CSMD1: variants seen among roughly 807,000 people sequenced by gnomAD.
The protein encoded by CSMD1 is CUB and Sushi multiple domains 1.
A neutral mutation model predicts 417.5 loss-of-function variants in CSMD1; 213 were observed. The observed-to-expected ratio is 0.51, with a 90% CI of 0.46 to 0.57. The LOEUF (loss-of-function observed/expected upper bound fraction) is 0.57, where lower values mean the gene tolerates loss of function less well. Ranked by LOEUF, CSMD1 falls within the 20% of genes least tolerant of loss-of-function variation. The probability of loss-of-function intolerance (pLI) is 0.00; values close to 1 mark genes in which losing one functional copy is unlikely to be tolerated. For synonymous variants in CSMD1, 2,862 were observed against 1,736.8 expected, an observed-to-expected ratio of 1.65 and a Z score of -16.11; for missense variants, 6,923 against 4,529.7, an observed-to-expected ratio of 1.53 and a Z score of -15.17.
intron 23 of CSMD1, among the ~76,000 whole-genome samples, chr8:3,318,385 A>G (rs1805921573): frequency 3.3e-5 from 5 of 152,230 alleles, no homozygotes; most frequent in African/African-American, 1.2e-4. Flanking sequence ...GCAATCACTT[A>G]GCATATGAAG....
chr8:4,898,267 G>T (rs1171958309), intron 1 of CSMD1, among the ~76,000 whole-genome samples: 1 of 152,026 alleles, frequency 6.6e-6, no homozygotes, highest in African/African-American at 2.4e-5. Context: ...GCCCGTTTTA[G>T]GCCAAAAATA....
At chr8:4,114,236 A>G (rs988951001) in intron 3 of CSMD1, among the ~76,000 whole-genome samples, 9 of 152,328 alleles carry the variant, frequency 5.9e-5, no homozygotes, top group African/African-American at 2.2e-4. Context: ...TTTGTTTAAC[A>G]TTTTGAAAAT....
intron 3 of CSMD1, among the ~76,000 whole-genome samples, chr8:4,081,517 TC>T (rs1371205260): frequency 6.6e-6 from 1 of 151,630 alleles, no homozygotes; most frequent in Non-Finnish European, 1.5e-5. Flanking sequence ...GGAACTGGGG[TC>T]CCCCTACCAA....
At chr8:4,915,959 C>T (rs1182513186) in intron 1 of CSMD1, among the ~76,000 whole-genome samples, 1 of 152,168 alleles carries the variant, frequency 6.6e-6, no homozygotes, top group Non-Finnish European at 1.5e-5. Context: ...TCCACAGGAA[C>T]ATCTTCTCTT....
intron 1 of CSMD1, among the ~76,000 whole-genome samples, chr8:4,795,222 A>G (rs1361485202): frequency 2.1e-5 from 3 of 143,044 alleles, no homozygotes; most frequent in African/African-American, 7.7e-5. Context: ...GTGCAATCAG[A>G]ACACATTTCT....
intron 3 of CSMD1, among the ~76,000 whole-genome samples, chr8:4,241,624 A>G (rs1215126077): frequency 3.3e-5 from 5 of 152,218 alleles, no homozygotes; most frequent in African/African-American, 9.6e-5. Context: ...TATGTAGAGG[A>G]GAAATAATTC....
chr8:3,465,820 T>C (rs949434960), intron 12 of CSMD1, among the ~76,000 whole-genome samples: 36 of 152,094 alleles, frequency 2.4e-4, no homozygotes, highest in African/African-American at 8.0e-4. Context: ...TGCATAGCAG[T>C]TTGTCTAGGG....
intron 10 of CSMD1, among the ~76,000 whole-genome samples, chr8:3,494,486 T>G (rs1796277017): frequency 1.3e-5 from 2 of 151,932 alleles, no homozygotes. Flanking sequence ...TGATGATAAT[T>G]AGAGGAATGA....
At chr8:3,516,177 T>G (rs1184302790) in intron 10 of CSMD1, among the ~76,000 whole-genome samples, 1 of 152,236 alleles carries the variant, frequency 6.6e-6, no homozygotes, top group Non-Finnish European at 1.5e-5. Flanking sequence ...CCTTATCCAC[T>G]AATATTGTCT....
At chr8:3,095,671 G>C (rs1180604533) in intron 47 of CSMD1, among the ~76,000 whole-genome samples, 1 of 152,052 alleles carries the variant, frequency 6.6e-6, no homozygotes, top group African/African-American at 2.4e-5. Context: ...TCACTGAATT[G>C]ATTGTAATTT....
chr8:4,074,035 T>C (rs1041687427), intron 3 of CSMD1, among the ~76,000 whole-genome samples: 3 of 152,134 alleles, frequency 2.0e-5, no homozygotes, highest in African/African-American at 7.2e-5. Flanking sequence ...TTGCTTCTGC[T>C]TTTAGACATT....
chr8:3,972,757 A>T (rs1351406670), intron 5 of CSMD1, among the ~76,000 whole-genome samples: 1 of 152,232 alleles, frequency 6.6e-6, no homozygotes, highest in African/African-American at 2.4e-5. Context: ...AAGCATTAAA[A>T]ATGTATATAT....
chr8:3,604,129 A>T (rs1316536703), intron 8 of CSMD1, among the ~76,000 whole-genome samples: 1 of 152,212 alleles, frequency 6.6e-6, no homozygotes, highest in Non-Finnish European at 1.5e-5. Flanking sequence ...TGGAAACATG[A>T]TAGTGAATAA....
intron 26 of CSMD1, among the ~76,000 whole-genome samples, chr8:3,279,509 A>C (rs968639104): frequency 6.6e-6 from 1 of 152,186 alleles, no homozygotes; most frequent in East Asian, 1.9e-4. Context: ...TTAAAATGCC[A>C]CATGGTACGT....
chr8:3,894,795 A>G (rs1318889138), intron 5 of CSMD1, among the ~76,000 whole-genome samples: 1 of 152,206 alleles, frequency 6.6e-6, no homozygotes, highest in African/African-American at 2.4e-5. Flanking sequence ...GGGCTGTTAA[A>G]TATTTAGGTG....
chr8:3,896,991 G>A (rs1400022128), intron 5 of CSMD1, among the ~76,000 whole-genome samples: 1 of 151,656 alleles, frequency 6.6e-6, no homozygotes, highest in Non-Finnish European at 1.5e-5. Context: ...AGCAATTCTA[G>A]TTTTCCATTT....
intron 3 of CSMD1, among the ~76,000 whole-genome samples, chr8:4,357,839 G>A (rs946807962): frequency 6.6e-6 from 1 of 152,088 alleles, no homozygotes; most frequent in East Asian, 1.9e-4. Flanking sequence ...TTAAAAGTGT[G>A]AGTAATATCA....
intron 7 of CSMD1, among the ~76,000 whole-genome samples, chr8:3,697,130 T>A (rs79848697): frequency 0.02 from 2,995 of 152,278 alleles, 86 homozygotes; most frequent in African/African-American, 0.068. Flanking sequence ...AGCATAATCA[T>A]CATTCAGTCT....
intron 3 of CSMD1, among the ~76,000 whole-genome samples, chr8:4,067,134 A>G (rs1799294366): frequency 1.3e-5 from 2 of 152,244 alleles, no homozygotes; most frequent in African/African-American, 4.8e-5. Flanking sequence ...GAGTCACTTC[A>G]TGCAAAACCA....
Sources: allele counts gnomAD v4.1 joint callset (sites outside exome capture counted in the v4.1 genomes callset), GRCh38; gene constraint gnomAD v4.1.1; transcripts MANE v1.5; gene names NCBI Gene and HGNC (gene_info 2026-07-23, HGNC 2026-07-21).